The following CDHR2 variants were observed in gnomAD, a reference collection of about 807,000 sequenced individuals.
CDHR2 encodes the protein cadherin-related family member 2.
A neutral mutation model predicts 138.6 loss-of-function variants in CDHR2; 104 were observed. The ratio of observed to expected loss-of-function variants is 0.75; its 90% CI spans 0.64 to 0.88. The LOEUF (loss-of-function observed/expected upper bound fraction) is 0.88. CDHR2 is among the 40% of genes least tolerant of loss of function. The pLI is 0.00. For missense variants in CDHR2, 1,624 were observed against 1,727.6 expected (o/e 0.94, Z 1.06); for synonymous variants, 755 against 742.8 (o/e 1.02, Z -0.27).
intron 16 of CDHR2, among the ~76,000 whole-genome samples, chr5:176,581,005 A>G (rs111605611): frequency 0.091 from 13,844 of 152,210 alleles, 812 homozygotes; most frequent in East Asian, 0.17. Flanking sequence ...TCCTGCCCCC[A>G]TATCCCCCTT....
At chr5:176,559,328 G>C (rs551829756) in intron 1 of CDHR2, among the ~76,000 whole-genome samples, 2 of 152,308 alleles carry the variant, frequency 1.3e-5, no homozygotes, top group South Asian at 2.1e-4. Flanking sequence ...TTAACTCCAG[G>C]ATTGTTACCG....
rs555867297 is a variant in CDHR2, at chr5:176,579,950, A to C, written c.1818+1342A>C. On this transcript the variant is annotated intron_variant, in intron 16 of 31. Coordinates refer to ENST00000261944, the MANE Select transcript of CDHR2 (RefSeq NM_017675.6). The stretch of plus-strand genomic sequence containing the variant: ...ATGTTGAGGCCCAGAGGAAGCGCCA[A>C]CCTGGCCTGGAGTCAGGCAGGGAAG... Among the ~76,000 whole-genome samples the C allele has an allele frequency of 2.3e-3, 353 of 152,270 alleles. 1 individual carries two copies. Among genetic ancestry groups the C allele is most frequent in the African/African-American group, 7.6e-3 (316 of 41,574 alleles).
intron 21 of CDHR2, among the ~76,000 whole-genome samples, chr5:176,587,790 C>T (rs964185912): frequency 2.0e-5 from 3 of 152,154 alleles, no homozygotes; most frequent in East Asian, 3.9e-4. Flanking sequence ...CAGGGTCTCT[C>T]GGAGCCTCAG....
intron 12 of CDHR2, 35 bp from the exon 13 acceptor site, chr5:176,577,364 G>A (rs1201415205): frequency 1.9e-6 from 3 of 1,585,568 alleles, no homozygotes; most frequent in Non-Finnish European, 1.7e-6. Context: ...GCAGAGCAGG[G>A]GGACAGGTCC....
chr5:176,571,279 G>T lies in CDHR2; in HGVS notation c.382G>T (p.Ala128Ser), dbSNP rs199903767. The change falls in exon 6 of 32, where the codon GCT becomes TCT. Residue 128 changes from alanine to serine, a missense_variant. This residue lies in a region of CDHR2 where 1,061 missense variants were observed against 1,136.6 expected (regional missense o/e 0.93). Transcript: ENST00000261944. ...CAACGCACCCGTTTTCCAGAACACC[G>T]CTTTCTCCACCAGCATCAACGAGGT... ...NDNAPVFQNT[A>S]FSTSINETLP... The T allele has an allele frequency of 6.2e-7, 1 of 1,609,808 alleles. No homozygotes were observed. Among genetic ancestry groups the T allele is most frequent in the South Asian group, 1.1e-5 (1 of 90,654 alleles).
intron 1 of CDHR2, among the ~76,000 whole-genome samples, chr5:176,552,139 G>T (rs2113251587): frequency 6.6e-6 from 1 of 152,334 alleles, no homozygotes; most frequent in Non-Finnish European, 1.5e-5. Context: ...GCGGGTGCCT[G>T]TCCGCAAGTC....
intron 1 of CDHR2, chr5:176,556,877 C>G (rs1161344704): frequency 6.6e-6 from 1 of 152,126 alleles, no homozygotes; most frequent in Non-Finnish European, 1.5e-5. Flanking sequence ...TGACCCACAC[C>G]CCACATCCCC....
intron 1 of CDHR2, among the ~76,000 whole-genome samples, chr5:176,551,234 C>A (rs1222410466): frequency 6.6e-6 from 1 of 152,082 alleles, no homozygotes; most frequent in Non-Finnish European, 1.5e-5. Context: ...GTGGTGCGAT[C>A]TCAGTTCACC....
At chr5:176,546,062 G>A (rs748119760), upstream of CDHR2, among the ~76,000 whole-genome samples, 20 of 152,216 alleles carry the variant, frequency 1.3e-4, no homozygotes, top group Non-Finnish European at 2.4e-4. Flanking sequence ...ACAGCAGAGC[G>A]ACCAGGCTGA....
In CDHR2 at chr5:176,577,781, G is replaced by A; in HGVS notation, c.1495G>A (p.Val499Ile). The stretch of plus-strand genomic sequence containing the variant: ...AGAGCACAGCGCCACCGGCTCTGTG[G>A]TCACCGACAGCATCCACGTGAGTGA... ...VPEHSATGSV[V>I]TDSIHATDPD... Residue 499 changes from valine (V) to isoleucine (I), a missense_variant, in exon 14 of 32, where the codon GTC (valine) becomes ATC (isoleucine). Coordinates refer to ENST00000261944, the MANE Select transcript of CDHR2 (RefSeq NM_017675.6). 1 of 1,614,120 alleles carries A rather than the reference G, an allele frequency of 6.2e-7. No individual in the cohort carries two copies. The highest frequency in any genetic ancestry group is 8.5e-7 in the Non-Finnish European group (1 of 1,179,996).
rs771752055 is a variant in CDHR2, at chr5:176,584,928, G to A, written c.2647G>A (p.Asp883Asn). 38 of 1,601,034 alleles carry A rather than the reference G, an allele frequency of 2.4e-5. No homozygotes were observed. The highest frequency in any genetic ancestry group is 3.1e-5 in the Non-Finnish European group (36 of 1,173,594). Residue 883 changes from aspartate (D) to asparagine (N), a missense_variant, in exon 19 of 32, where the codon GAC (aspartate) becomes AAC (asparagine). By Grantham distance (23) the Asp-to-Asn change is conservative. Coordinates refer to ENST00000261944, the MANE Select transcript of CDHR2 (RefSeq NM_017675.6). Reference sequence around the variant, plus strand: ...GTACATCAACCAGAGCAAAGCCATCGACTACGAGGCCTGTGACCTGGTCAC... The same window carrying A: ...GTACATCAACCAGAGCAAAGCCATCAACTACGAGGCCTGTGACCTGGTCAC... ...SVYINQSKAI[D>N]YEACDLVTLV...
At chr5:176,554,585 C>T (rs1757779569) in intron 1 of CDHR2, among the ~76,000 whole-genome samples, 6 of 152,252 alleles carry the variant, frequency 3.9e-5, no homozygotes, top group Admixed American at 3.9e-4. Context: ...GGCTCTTCAC[C>T]TCTCTGAGCT....
Position 176,577,690 on chromosome 5 carries a change from C to A in CDHR2, c.1404C>A (p.Ile468=). 6.2e-7 allele frequency: 1 copy of A among 1,614,240 alleles called. No homozygotes were observed. Among genetic ancestry groups the A allele is most frequent in the Non-Finnish European group, 8.5e-7 (1 of 1,180,040 alleles). The change falls in exon 14 of 32, where the codon ATC becomes ATA. Residue 468 remains isoleucine (I), a synonymous_variant. Transcript: ENST00000261944. ...SQNFSVAMVT[I]HLRDINDHRP... The stretch of plus-strand genomic sequence containing the variant: ...ACTTCTCCGTCGCCATGGTGACCAT[C>A]CACCTTAGAGACATTAATGACCACA...
rs1758429516 is a variant in CDHR2, at chr5:176,577,793, A to C, written c.1507A>C (p.Ile503Leu). ...SATGSVVTDS[I>L]HATDPDTGAW... Reference sequence around the variant, plus strand: ...CACCGGCTCTGTGGTCACCGACAGCATCCACGTGAGTGATGTGGACACAGT... The same window carrying C: ...CACCGGCTCTGTGGTCACCGACAGCCTCCACGTGAGTGATGTGGACACAGT... The change falls in exon 14 of 32, where the codon ATC becomes CTC. Residue 503 changes from isoleucine (I) to leucine (L), a missense_variant. This residue lies in a region of CDHR2 where 1,061 missense variants were observed against 1,136.6 expected (regional missense o/e 0.93). Coordinates refer to ENST00000261944, the MANE Select transcript of CDHR2 (RefSeq NM_017675.6). 1 of 1,614,010 alleles carries C rather than the reference A, an allele frequency of 6.2e-7. No individual in the cohort carries two copies. The highest frequency in any genetic ancestry group is 2.2e-5 in the East Asian group (1 of 44,880).
chr5:176,566,439 A>G (rs540596853), intron 3 of CDHR2, among the ~76,000 whole-genome samples: 1 of 152,338 alleles, frequency 6.6e-6, no homozygotes, highest in South Asian at 2.1e-4. Context: ...CAGGATATAG[A>G]TCGGGGAAGT....
chr5:176,560,842 T>A (rs771453682), intron 1 of CDHR2, among the ~76,000 whole-genome samples: 1 of 152,234 alleles, frequency 6.6e-6, no homozygotes, highest in East Asian at 1.9e-4. Flanking sequence ...TGTTCCATGT[T>A]TCCCCAGCAG....
intron 16 of CDHR2, among the ~76,000 whole-genome samples, chr5:176,579,694 A>C (rs1758481036): frequency 6.6e-6 from 1 of 152,228 alleles, no homozygotes; most frequent in Non-Finnish European, 1.5e-5. Flanking sequence ...ACAAGGTCCC[A>C]GCAGAATGAA....
At chr5:176,578,243 A>G in intron 15 of CDHR2, 122 bp from the exon 16 acceptor site, 5 of 1,225,810 alleles carry the variant, frequency 4.1e-6, no homozygotes, top group Non-Finnish European at 5.8e-6. Flanking sequence ...ACTTTTTGAA[A>G]TAATGAATAT....
At position 176,576,151 on chromosome 5, in the gene CDHR2, A is replaced by G. The variant is rs1414925617; in HGVS notation, c.1160A>G (p.Asp387Gly). 6.2e-7 allele frequency: 1 copy of G among 1,610,150 alleles called. No homozygotes were observed. The highest frequency in any genetic ancestry group is 1.3e-5 in the African/African-American group (1 of 74,754). ...DEHASPRIPI[D>G]DLTMVVYDPD... The stretch of plus-strand genomic sequence containing the variant: ...CATGCCTCCCCCCGCATCCCCATCG[A>G]TGACCTCACCATGGTGGTCTACGAC... Residue 387 changes from aspartate (D) to glycine (G), a missense_variant, in exon 12 of 32, where the codon GAT becomes GGT. Physicochemically the swap from Asp to Gly is moderately conservative, Grantham distance 94. Coordinates refer to ENST00000261944, the MANE Select transcript of CDHR2 (RefSeq NM_017675.6). This position sits in a 1 kb window ranked among gnomAD's most constrained non-coding sequence, Gnocchi z 4.5.
Sources: gnomAD v4.1 joint callset for allele counts (sites outside exome capture counted in the v4.1 genomes callset) on GRCh38, gnomAD v4.1.1 for gene constraint, gnomAD v4.1.1 regional missense constraint, Gnocchi (gnomAD v3.1) non-coding constraint, MANE v1.5 for transcripts, NCBI Gene and HGNC (gene_info 2026-07-23, HGNC 2026-07-21) for gene names.